KIF25: variants seen among roughly 807,000 people sequenced by gnomAD.
KIF25 encodes the protein kinesin family member 25, also known as kinesin-like protein KIF25.
KIF25 carries 19 observed loss-of-function variants against 32.9 expected under a neutral mutation model. That is an observed-to-expected ratio of 0.58 (90% CI 0.40 to 0.85). The LOEUF is 0.85. KIF25 is among the 40% of genes least tolerant of loss of function. The pLI is 0.00. For missense variants in KIF25, 485 were observed against 507.0 expected (o/e 0.96, Z 0.42); for synonymous variants, 225 against 213.7 (o/e 1.05, Z -0.46).
intron 8 of KIF25, among the ~76,000 whole-genome samples, chr6:168,038,120 C>T (rs1408475754): frequency 6.6e-6 from 1 of 152,156 alleles, no homozygotes; most frequent in East Asian, 1.9e-4. Context: ...TGAAGCTTCC[C>T]TGAAGTGGAA....
intron 12 of KIF25, 46 bp downstream of exon 12, chr6:168,042,762 C>G (rs1162474112): frequency 6.4e-7 from 1 of 1,574,342 alleles, no homozygotes; most frequent in East Asian, 2.2e-5. Context: ...ACCACGTACC[C>G]CAGGACATGT....
intron 2 of KIF25, among the ~76,000 whole-genome samples, chr6:168,000,156 T>C (rs1184055104): frequency 5.8e-4 from 16 of 27,408 alleles, no homozygotes; most frequent in Admixed American, 9.8e-4. Context: ...CCATCCTGTC[T>C]ACACCTGACC....
At chr6:168,005,040 A>C (rs1468451464) in intron 4 of KIF25, among the ~76,000 whole-genome samples, 1 of 152,192 alleles carries the variant, frequency 6.6e-6, no homozygotes, top group African/African-American at 2.4e-5. Flanking sequence ...ACACAGTAGA[A>C]TGAGACGTGT....
intron 4 of KIF25, among the ~76,000 whole-genome samples, chr6:168,017,122 C>G (rs1211936791): frequency 6.6e-6 from 1 of 152,228 alleles, no homozygotes; most frequent in African/African-American, 2.4e-5. Context: ...CAACAACAAC[C>G]ACAAACAGCT....
chr6:168,013,573 C>T, intron 4 of KIF25, among the ~76,000 whole-genome samples: 1 of 152,076 alleles, frequency 6.6e-6, no homozygotes, highest in Non-Finnish European at 1.5e-5. Flanking sequence ...ACCTTGTGCT[C>T]CTAATCTGGG....
intron 6 of KIF25, among the ~76,000 whole-genome samples, chr6:168,030,189 G>A (rs1583139675): frequency 6.6e-6 from 1 of 152,186 alleles, no homozygotes; most frequent in East Asian, 1.9e-4. Context: ...AGAACCACAT[G>A]AGGTTTCCTT....
chr6:168,040,507 G>A (rs1369327315), intron 10 of KIF25, among the ~76,000 whole-genome samples: 4 of 151,916 alleles, frequency 2.6e-5, no homozygotes, highest in Admixed American at 2.0e-4. Context: ...CAGAGGTTGC[G>A]ATGAGCCGAG....
intron 5 of KIF25, among the ~76,000 whole-genome samples, chr6:168,028,714 C>T (rs1798899343): frequency 6.6e-6 from 1 of 152,208 alleles, no homozygotes; most frequent in Admixed American, 6.5e-5. Context: ...GTTGACTCTT[C>T]TATTCAGGAA....
chr6:168,033,119 G>A (rs1366112243), intron 7 of KIF25, among the ~76,000 whole-genome samples: 3 of 152,292 alleles, frequency 2.0e-5, no homozygotes, highest in South Asian at 4.1e-4. Flanking sequence ...CAGGTGCTAC[G>A]TCACAGAGAG....
chr6:168,041,898 ACTGAGGCAAAGCACAGC>A, intron 10 of KIF25, 54 bp from the exon 11 acceptor site: 3 of 1,462,564 alleles, frequency 2.1e-6, no homozygotes, highest in Non-Finnish European at 2.8e-6. Flanking sequence ...CTCGGCTCTG[ACTGAGGCAAAGCACAGC>A]CTCATGGCTT....
chr6:168,042,318 T>C (rs929664424), intron 11 of KIF25, among the ~76,000 whole-genome samples, 167 bp downstream of exon 11: 2 of 152,198 alleles, frequency 1.3e-5, no homozygotes, highest in Non-Finnish European at 2.9e-5. Context: ...TTGGTTCTCT[T>C]ACCCCGGCAA....
rs1238474692 is a variant in KIF25, at chr6:167,998,143, A to C, written c.-1326A>C. 5.3e-5 allele frequency: 8 copies of C among 151,838 alleles called. No homozygotes were observed. Among genetic ancestry groups the C allele is most frequent in the African/African-American group, 1.9e-4 (8 of 41,298 alleles). The allele number at this position is 151,838 out of a possible 1,614,324, so 9.4% of individuals were successfully genotyped here. On this transcript the variant is annotated 5_prime_UTR_variant, in exon 1 of 13. Transcript: ENST00000643607. ...CAGTGAAGCACCTGGCACTTCAGAA[A>C]GTCTCACTACGCTGCAGCTTTTTTT...
chr6:168,029,059 T>C (rs1395622291), intron 5 of KIF25, among the ~76,000 whole-genome samples: 1 of 152,206 alleles, frequency 6.6e-6, no homozygotes, highest in Non-Finnish European at 1.5e-5. Flanking sequence ...CTGATTCTTA[T>C]GTCACTAATT....
At chr6:168,039,820 C>G (rs908826281) in intron 9 of KIF25, among the ~76,000 whole-genome samples, 1 of 152,188 alleles carries the variant, frequency 6.6e-6, no homozygotes, top group Non-Finnish European at 1.5e-5. Flanking sequence ...GGTTAGCAAC[C>G]TCTGATTTTG....
At chr6:168,039,385 G>T (rs73788695) in intron 9 of KIF25, among the ~76,000 whole-genome samples, 3,588 of 152,292 alleles carry the variant, frequency 0.024, 163 homozygotes, top group African/African-American at 0.082. Flanking sequence ...TTTCCTCAAA[G>T]TTCCCTATTG....
chr6:168,027,312 A>T (rs537009779), intron 5 of KIF25, among the ~76,000 whole-genome samples: 19 of 151,998 alleles, frequency 1.3e-4, no homozygotes, highest in African/African-American at 4.6e-4. Context: ...AATTAGCTGG[A>T]CGTGGTGGCA....
At chr6:168,022,489 A>G (rs756799934) in intron 5 of KIF25, among the ~76,000 whole-genome samples, 7 of 152,142 alleles carry the variant, frequency 4.6e-5, no homozygotes, top group Non-Finnish European at 1.0e-4. Context: ...GCAGTGCTGC[A>G]ATCATAGCTC....
chr6:168,002,413 C>A (rs571074034), intron 2 of KIF25, 130 bp from the exon 3 acceptor site: 38 of 152,636 alleles, frequency 2.5e-4, no homozygotes, highest in African/African-American at 9.1e-4. Flanking sequence ...GCTTCTTTCT[C>A]CTGGATGGTG....
At chr6:168,029,888 C>G (rs1461066513) in intron 6 of KIF25, among the ~76,000 whole-genome samples, 4 of 152,234 alleles carry the variant, frequency 2.6e-5, no homozygotes, top group Non-Finnish European at 1.5e-5. Flanking sequence ...GGGTCCCCTC[C>G]CCCATGTCAA....
Sources: allele counts gnomAD v4.1 joint callset (sites outside exome capture counted in the v4.1 genomes callset), GRCh38; gene constraint gnomAD v4.1.1; transcripts MANE v1.5; gene names NCBI Gene and HGNC (gene_info 2026-07-23, HGNC 2026-07-21).